The following PCDH9 variants were observed in gnomAD, a reference collection of about 807,000 sequenced individuals.
PCDH9 encodes the protein protocadherin-9.
In PCDH9, 24 loss-of-function variants were observed where a neutral mutation model predicts 70.6. The observed-to-expected ratio is 0.34, with a 90% CI of 0.25 to 0.48. The LOEUF (loss-of-function observed/expected upper bound fraction) is 0.48. Among genes scored for constraint, PCDH9 ranks in the 20% least tolerant of loss-of-function variants. The pLI is 0.99. For synonymous variants in PCDH9, 562 were observed against 558.5 expected (o/e 1.01, Z -0.09); for missense variants, 1,281 against 1,503.6 (o/e 0.85, Z 2.45).
At chr13:67,124,918 AAATTAAC>A (rs1214341688) in intron 2 of PCDH9, among the ~76,000 whole-genome samples, 2 of 152,176 alleles carry the variant, frequency 1.3e-5, no homozygotes, top group African/African-American at 4.8e-5. Context: ...AAACCTTTCT[AAATTAAC>A]TCATTAGGAG....
At chr13:66,889,253 A>G (rs2082057872) in intron 3 of PCDH9, among the ~76,000 whole-genome samples, 1 of 152,238 alleles carries the variant, frequency 6.6e-6, no homozygotes, top group Non-Finnish European at 1.5e-5. Context: ...GGCCAAAGCC[A>G]CACGAAGCAG....
intron 3 of PCDH9, among the ~76,000 whole-genome samples, chr13:66,811,779 C>CTT (rs372842239): frequency 6.6e-6 from 1 of 150,640 alleles, no homozygotes; most frequent in Admixed American, 6.7e-5. Flanking sequence ...CTCTCTCTCT[C>CTT]TTTTCCTTCT....
At chr13:66,365,279 A>G (rs1956535904) in intron 4 of PCDH9, among the ~76,000 whole-genome samples, 1 of 152,272 alleles carries the variant, frequency 6.6e-6, no homozygotes, top group African/African-American at 2.4e-5. Flanking sequence ...TTGTAGTCCA[A>G]GTGATGTGCT....
intron 2 of PCDH9, among the ~76,000 whole-genome samples, chr13:67,053,129 T>C (rs1444001384): frequency 2.0e-5 from 3 of 152,202 alleles, no homozygotes; most frequent in African/African-American, 4.8e-5. Context: ...GGAACTTACA[T>C]TGAGCACAAT....
intron 4 of PCDH9, among the ~76,000 whole-genome samples, chr13:66,363,824 G>C (rs1956510230): frequency 6.6e-6 from 1 of 152,066 alleles, no homozygotes; most frequent in South Asian, 2.1e-4. Context: ...TGAGACTTGG[G>C]ATAATGATGT....
At chr13:66,680,281 G>A (rs1275525298) in intron 3 of PCDH9, among the ~76,000 whole-genome samples, 3 of 151,930 alleles carry the variant, frequency 2.0e-5, no homozygotes. Flanking sequence ...TGTAATTAAT[G>A]ACCATTCTAT....
chr13:67,212,839 A>T (rs1019216804), intron 2 of PCDH9: 1 of 152,092 alleles, frequency 6.6e-6, no homozygotes, highest in Non-Finnish European at 1.5e-5. Flanking sequence ...AGGAAATATA[A>T]ATGTCTTCAT....
chr13:66,430,732 A>G (rs1465737827), intron 4 of PCDH9, among the ~76,000 whole-genome samples: 4 of 152,042 alleles, frequency 2.6e-5, no homozygotes, highest in African/African-American at 7.2e-5. Flanking sequence ...GGCATATTGC[A>G]CTGAATTAAA....
chr13:67,073,865 A>G (rs2085818077), intron 2 of PCDH9, among the ~76,000 whole-genome samples: 1 of 152,122 alleles, frequency 6.6e-6, no homozygotes, highest in Non-Finnish European at 1.5e-5. Context: ...TTCTAATAAA[A>G]TGAGGTACTT....
chr13:66,417,171 C>A (rs1296141497), intron 4 of PCDH9, among the ~76,000 whole-genome samples: 1 of 152,082 alleles, frequency 6.6e-6, no homozygotes, highest in African/African-American at 2.4e-5. Context: ...TGCTATTCCT[C>A]CCCCTTACCC....
At chr13:66,408,128 G>C (rs1411503706) in intron 4 of PCDH9, among the ~76,000 whole-genome samples, 13 of 145,756 alleles carry the variant, frequency 8.9e-5, no homozygotes, top group Non-Finnish European at 1.3e-4. Flanking sequence ...GCGCAATCTC[G>C]GCTCACTGCA....
intron 3 of PCDH9, among the ~76,000 whole-genome samples, chr13:66,838,221 T>G (rs1197872906): frequency 6.6e-6 from 1 of 152,136 alleles, no homozygotes; most frequent in Admixed American, 6.6e-5. Context: ...GCTATTTCCA[T>G]TTTCTTCTTG....
At chr13:66,638,939 G>T (rs1217709436) in intron 3 of PCDH9, among the ~76,000 whole-genome samples, 1 of 152,158 alleles carries the variant, frequency 6.6e-6, no homozygotes, top group Non-Finnish European at 1.5e-5. Context: ...CATTTTAGAA[G>T]ATTTGGAGAC....
At chr13:66,642,223 C>T (rs1264553396) in intron 3 of PCDH9, among the ~76,000 whole-genome samples, 15 of 151,950 alleles carry the variant, frequency 9.9e-5, no homozygotes, top group Non-Finnish European at 7.4e-5. Context: ...GAGATCTTTA[C>T]TTATTAATGT....
chr13:66,498,717 A>T (rs74095249), intron 4 of PCDH9, among the ~76,000 whole-genome samples: 6,588 of 152,152 alleles, frequency 0.043, 467 homozygotes, highest in African/African-American at 0.15. Context: ...AGGTCCTGAA[A>T]AAATTTTTTT....
At chr13:66,371,231 T>C (rs1956646005) in intron 4 of PCDH9, among the ~76,000 whole-genome samples, 1 of 152,072 alleles carries the variant, frequency 6.6e-6, no homozygotes, top group Non-Finnish European at 1.5e-5. Flanking sequence ...TCATTAATGT[T>C]AAAATAGCAT....
intron 3 of PCDH9, among the ~76,000 whole-genome samples, chr13:66,779,849 C>CTCTCTCTATATATATATA (rs1395244975): frequency 8.9e-5 from 7 of 78,908 alleles, no homozygotes; most frequent in African/African-American, 3.1e-4. Flanking sequence ...CTCTCTCTCT[C>CTCTCTCTATATATATATA]TATATATATA....
intron 2 of PCDH9, among the ~76,000 whole-genome samples, chr13:66,907,467 T>G (rs889069257): frequency 1.3e-5 from 2 of 152,220 alleles, no homozygotes; most frequent in African/African-American, 4.8e-5. Flanking sequence ...CACCTATGAT[T>G]GAAAGTCTGT....
intron 3 of PCDH9, among the ~76,000 whole-genome samples, chr13:66,776,668 C>T (rs1048408844): frequency 3.9e-5 from 6 of 152,036 alleles, no homozygotes; most frequent in African/African-American, 9.7e-5. Context: ...TGCTCATGGG[C>T]AGGATGAATC....
Sources: allele counts gnomAD v4.1 joint callset (sites outside exome capture counted in the v4.1 genomes callset), GRCh38; gene constraint gnomAD v4.1.1; transcripts MANE v1.5; gene names NCBI Gene and HGNC (gene_info 2026-07-23, HGNC 2026-07-21).